Variants in ABCC5 observed in about 807,000 individuals in gnomAD.
ABCC5 encodes the protein ATP binding cassette subfamily C member 5, also known as ATP-binding cassette sub-family C member 5.
In ABCC5, 61 loss-of-function variants were observed where a neutral mutation model predicts 160.9. The ratio of observed to expected loss-of-function variants is 0.38; its 90% CI spans 0.31 to 0.47. The LOEUF (loss-of-function observed/expected upper bound fraction) is 0.47, where lower values mean the gene tolerates loss of function less well. Ranked by LOEUF, ABCC5 falls within the 20% of genes least tolerant of loss-of-function variation. The probability of loss-of-function intolerance (pLI) is 0.99; values close to 1 mark genes in which losing one functional copy is unlikely to be tolerated. For synonymous variants in ABCC5, 666 were observed against 700.6 expected (o/e 0.95, Z 0.78); for missense variants, 1,308 against 1,813.3 (o/e 0.72, Z 5.06).
chr3:183,927,829 AT>A, intron 27 of ABCC5: 1 of 985,316 alleles, frequency 1.0e-6, no homozygotes, highest in Non-Finnish European at 1.2e-6. Context: ...CCTGTGAAAC[AT>A]TTTTTGTAAG....
intron 24 of ABCC5, among the ~76,000 whole-genome samples, chr3:183,943,633 G>A (rs1476449412): frequency 6.6e-6 from 1 of 152,052 alleles, no homozygotes; most frequent in Non-Finnish European, 1.5e-5. Context: ...GCCTTATGGG[G>A]GGAAGTAAGG....
intron 1 of ABCC5, among the ~76,000 whole-genome samples, chr3:184,015,743 C>T (rs1233319691): frequency 2.0e-5 from 3 of 151,450 alleles, no homozygotes; most frequent in Non-Finnish European, 4.4e-5. Context: ...TAAAGAACAG[C>T]GGCTCACCAA....
At chr3:183,972,081 A>T in intron 10 of ABCC5, 162 bp from the exon 11 acceptor site, 1 of 1,471,174 alleles carries the variant, frequency 6.8e-7, no homozygotes, top group Non-Finnish European at 9.2e-7. Flanking sequence ...TCTCAGGCCC[A>T]TCAAGGGGTC....
intron 23 of ABCC5, among the ~76,000 whole-genome samples, chr3:183,946,260 T>C (rs1467828009): frequency 1.3e-5 from 2 of 152,242 alleles, no homozygotes; most frequent in Non-Finnish European, 1.5e-5. Flanking sequence ...CTGAGCCTGT[T>C]TGTGGGAGTC....
intron 10 of ABCC5, among the ~76,000 whole-genome samples, chr3:183,975,583 T>C (rs1460702257): frequency 1.3e-5 from 2 of 151,970 alleles, no homozygotes; most frequent in Non-Finnish European, 2.9e-5. Flanking sequence ...CCTCAAGTGA[T>C]CCAACCACCT....
At chr3:183,965,610 T>G in intron 12 of ABCC5, 109 bp from the exon 13 acceptor site, 1 of 1,460,794 alleles carries the variant, frequency 6.8e-7, no homozygotes, top group Non-Finnish European at 9.3e-7. Context: ...TTTCCCGGGA[T>G]GCTTTTTGGA....
At position 183,988,743 on chromosome 3, in the gene ABCC5, C is replaced by G; in HGVS notation, c.288-16G>C. 1 of 1,610,720 alleles carries G rather than the reference C, an allele frequency of 6.2e-7. No homozygotes were observed. The highest frequency in any genetic ancestry group is 1.3e-5 in the African/African-American group (1 of 74,748). Reference sequence around the variant, plus strand: ...GTGCTGGTGTCTAAGGAGAGAAAACCGAAATCACAAAGCTATCAACACGCA... The same window carrying G: ...GTGCTGGTGTCTAAGGAGAGAAAACGGAAATCACAAAGCTATCAACACGCA... On this transcript the variant is annotated splice_polypyrimidine_tract_variant and intron_variant, in intron 3 of 29. Transcript: ENST00000334444. This position sits in a 1 kb window ranked among gnomAD's most constrained non-coding sequence, Gnocchi z 4.4.
At chr3:183,983,088 G>A in intron 5 of ABCC5, 81 bp from the exon 6 acceptor site, 4 of 1,334,160 alleles carry the variant, frequency 3.0e-6, no homozygotes, top group Non-Finnish European at 4.3e-6. Context: ...AAGTTAGAAA[G>A]AGTAGGCAGC....
chr3:183,983,646 G>T, intron 5 of ABCC5: 1 of 721,044 alleles, frequency 1.4e-6, no homozygotes, highest in Non-Finnish European at 1.7e-6. Context: ...GAGGGAAGGC[G>T]GCCAGCCCCC....
chr3:183,981,633 C>A, intron 8 of ABCC5, 94 bp downstream of exon 8: 1 of 1,343,228 alleles, frequency 7.4e-7, no homozygotes, highest in Non-Finnish European at 1.0e-6. Flanking sequence ...AGTCCTAGTA[C>A]GTAATGTGCT....
chr3:183,930,902 C>T (rs914782514), intron 26 of ABCC5, among the ~76,000 whole-genome samples: 1 of 152,192 alleles, frequency 6.6e-6, no homozygotes, highest in African/African-American at 2.4e-5. Flanking sequence ...CCATCAGATG[C>T]CTCTGGATCA....
intron 28 of ABCC5, among the ~76,000 whole-genome samples, chr3:183,926,550 AAAAAC>A (rs377674885): frequency 1.3e-5 from 2 of 151,970 alleles, no homozygotes; most frequent in African/African-American, 2.4e-5. Context: ...ACTCTGTCTC[AAAAAC>A]AAAACAAAAC....
intron 2 of ABCC5, chr3:184,010,610 C>T (rs1271432635): frequency 3.3e-5 from 5 of 153,094 alleles, no homozygotes; most frequent in African/African-American, 9.6e-5. Flanking sequence ...TCCACAGCCT[C>T]CACCTTCTCC....
Position 184,005,704 on chromosome 3 carries a change from C to A in ABCC5, c.129+8560G>T, listed in dbSNP as rs185938545. Among the ~76,000 whole-genome samples the A allele has an allele frequency of 1.9e-3, 282 of 151,802 alleles. 2 individuals are homozygous for A. Among genetic ancestry groups the A allele is most frequent in the Middle Eastern group, 3.4e-3 (1 of 294 alleles). ...TAAATGACGAGTTAATGGGTGCAGCCCACCACCATGGCACACGTATACATA... is the reference window on the plus strand; with the variant it reads ...TAAATGACGAGTTAATGGGTGCAGCACACCACCATGGCACACGTATACATA... On this transcript the variant is annotated intron_variant, in intron 2 of 29. Coordinates refer to ENST00000334444, the MANE Select transcript of ABCC5 (RefSeq NM_005688.4).
Position 183,981,737 on chromosome 3 carries a change from C to G in ABCC5, c.1137G>C (p.Gln379His). The change falls in exon 8 of 30, where the codon CAG becomes CAC. Residue 379 changes from glutamine to histidine, a missense_variant. Physicochemically the swap from Gln to His is conservative, Grantham distance 24. Transcript: ENST00000334444. ...AATCTTTAAACTCACTTTGAACACT[C>G]TGAGAAAATGCTTTGACCCAGGCAT... ...KMYAWVKAFS[Q>H]SVQKIREEER... 1 of 1,610,962 alleles carries G rather than the reference C, an allele frequency of 6.2e-7. No homozygotes were observed. Among genetic ancestry groups the G allele is most frequent in the Non-Finnish European group, 8.5e-7 (1 of 1,179,334 alleles).
chr3:183,932,473 T>C (rs1330434154), intron 26 of ABCC5, among the ~76,000 whole-genome samples: 2 of 152,124 alleles, frequency 1.3e-5, no homozygotes, highest in Non-Finnish European at 2.9e-5. Flanking sequence ...CGTCTAACTG[T>C]TTTTTGGAGA....
intron 29 of ABCC5, among the ~76,000 whole-genome samples, chr3:183,923,377 C>A (rs1323132846): frequency 6.6e-6 from 1 of 152,050 alleles, no homozygotes; most frequent in Non-Finnish European, 1.5e-5. Context: ...AATCCCAGCA[C>A]TTTGGGAGGC....
rs957125582 is a variant in ABCC5 at position 183,962,200 on chromosome 3, T to C, written c.2236-546A>G. On this transcript the variant is annotated intron_variant, in intron 15 of 29. Transcript: ENST00000334444. ...TTAAACATGCTCAGAACCCTTACAT[T>C]AGCCTACAGTTGGGCAAAATCATCT... Among the ~76,000 whole-genome samples, 8 of 152,334 alleles carry C rather than the reference T, an allele frequency of 5.3e-5. No individual in the cohort carries two copies. The South Asian group carries it at 6.2e-4, about 12-fold the overall frequency.
chr3:183,945,165 C>A (rs1365584047), intron 24 of ABCC5, among the ~76,000 whole-genome samples: 1 of 152,220 alleles, frequency 6.6e-6, no homozygotes, highest in Non-Finnish European at 1.5e-5. Flanking sequence ...AAACCTCTTT[C>A]TTCATAAATT....
Sources: gnomAD v4.1 joint callset for allele counts (sites outside exome capture counted in the v4.1 genomes callset) on GRCh38, gnomAD v4.1.1 for gene constraint, Gnocchi (gnomAD v3.1) non-coding constraint, MANE v1.5 for transcripts, NCBI Gene and HGNC (gene_info 2026-07-23, HGNC 2026-07-21) for gene names.